The following CAMK4 variants were observed in gnomAD, a reference collection of about 807,000 sequenced individuals.
The protein encoded by CAMK4 is calcium/calmodulin-dependent protein kinase type IV.
CAMK4 carries 22 observed loss-of-function variants against 44.9 expected under a neutral mutation model. That is an observed-to-expected ratio of 0.49 (90% CI 0.35 to 0.70). The LOEUF (loss-of-function observed/expected upper bound fraction) is 0.70, where lower values mean the gene tolerates loss of function less well. Among genes scored for constraint, CAMK4 ranks in the 30% least tolerant of loss-of-function variants. CAMK4 has a pLI of 0.01. For missense variants in CAMK4, 498 were observed against 586.8 expected, an observed-to-expected ratio of 0.85 and a Z score of 1.56; for synonymous variants, 218 against 215.4, an observed-to-expected ratio of 1.01 and a Z score of -0.11.
intron 7 of CAMK4, among the ~76,000 whole-genome samples, chr5:111,468,892 C>T (rs1428632234): frequency 6.6e-6 from 1 of 151,758 alleles, no homozygotes; most frequent in South Asian, 2.1e-4. Context: ...GCAAGAGAAT[C>T]GCTTGAACCC....
In CAMK4 at chr5:111,490,751, T is replaced by C. The variant is rs1386062252; in HGVS notation, c.*6285T>C. 1.3e-5 allele frequency: 2 copies of C among 152,204 alleles called. No individual in the cohort carries two copies. Among genetic ancestry groups the C allele is most frequent in the Admixed American group, 1.3e-4 (2 of 15,274 alleles). The allele number at this position is 152,204 out of a possible 1,614,324, so 9.4% of individuals were successfully genotyped here. A position where few individuals can be genotyped will look rare whatever the true frequency, so the allele number is the denominator to read the frequency against. ...CATAATTTGTAATTTTGTTTTTCTT[T>C]TTACGGCACCCTTAAGTCTCAGTAA... On this transcript the variant is annotated 3_prime_UTR_variant, in exon 11 of 11. Coordinates refer to ENST00000282356, the MANE Select transcript of CAMK4 (RefSeq NM_001744.6).
intron 1 of CAMK4, among the ~76,000 whole-genome samples, chr5:111,256,708 A>G (rs1229307945): frequency 1.3e-5 from 2 of 152,228 alleles, no homozygotes; most frequent in African/African-American, 4.8e-5. Context: ...TACCAGAATA[A>G]TGTGGCAGCC....
At chr5:111,356,100 C>A (rs1296040433) in intron 2 of CAMK4, among the ~76,000 whole-genome samples, 1 of 132,650 alleles carries the variant, frequency 7.5e-6, no homozygotes, top group Non-Finnish European at 1.6e-5. Flanking sequence ...AATGGTTGAA[C>A]TAGTTTACAG....
At chr5:111,474,478 G>T (rs1755169036) in intron 8 of CAMK4, among the ~76,000 whole-genome samples, 1 of 152,136 alleles carries the variant, frequency 6.6e-6, no homozygotes, top group African/African-American at 2.4e-5. Flanking sequence ...CTAATCCCAT[G>T]AGGAAGACCC....
chr5:111,346,482 T>TTATCCATCTATCTATCTATC (rs1554063398), intron 2 of CAMK4, among the ~76,000 whole-genome samples: 1 of 149,918 alleles, frequency 6.7e-6, no homozygotes, highest in African/African-American at 2.5e-5. Context: ...GCTTGAAACT[T>TTATCCATCTATCTATCTATC]TATCTATCTA....
chr5:111,481,677 G>C (rs1338005768), intron 9 of CAMK4, among the ~76,000 whole-genome samples: 1 of 152,124 alleles, frequency 6.6e-6, no homozygotes, highest in East Asian at 1.9e-4. Flanking sequence ...ACATCATGCT[G>C]TAGTGGCCAC....
chr5:111,251,732 A>G (rs186664883), intron 1 of CAMK4, among the ~76,000 whole-genome samples: 1 of 152,258 alleles, frequency 6.6e-6, no homozygotes. Context: ...ATTGAAATAC[A>G]TGAGAATGTG....
intron 7 of CAMK4, among the ~76,000 whole-genome samples, chr5:111,452,562 CCTTAG>C (rs1349432736): frequency 6.6e-6 from 1 of 152,146 alleles, no homozygotes; most frequent in Non-Finnish European, 1.5e-5. Context: ...TCATGTCCTT[CCTTAG>C]CTTCTCAGCA....
chr5:111,279,465 C>T (rs954085182), intron 1 of CAMK4, among the ~76,000 whole-genome samples: 1 of 151,606 alleles, frequency 6.6e-6, no homozygotes, highest in African/African-American at 2.4e-5. Context: ...GATGTACCAA[C>T]CAAGCGCAGA....
Position 111,224,680 on chromosome 5 carries a change from G to T in CAMK4, c.161+36G>T. ...GGCTCCGGCTGGGGAAGCCCGCGGC[G>T]TGCACTGGGGGTTGTCCCTCTCGCA... is the stretch of plus-strand genomic sequence containing the variant. On this transcript the variant is annotated intron_variant, in intron 1 of 10. Transcript: ENST00000282356. This position sits in a 1 kb window ranked among gnomAD's most constrained non-coding sequence, Gnocchi z 5.7. 1 of 1,583,198 alleles carries T rather than the reference G, an allele frequency of 6.3e-7. No individual in the cohort carries two copies. Among genetic ancestry groups the T allele is most frequent in the Non-Finnish European group, 8.6e-7 (1 of 1,164,718 alleles).
intron 1 of CAMK4, among the ~76,000 whole-genome samples, chr5:111,238,244 C>T (rs1748822004): frequency 6.6e-6 from 1 of 152,182 alleles, no homozygotes; most frequent in African/African-American, 2.4e-5. Context: ...CAGTCATTTC[C>T]TTGTATCTGC....
intron 1 of CAMK4, among the ~76,000 whole-genome samples, chr5:111,294,905 CTG>C (rs1336553381): frequency 6.6e-6 from 1 of 152,104 alleles, no homozygotes; most frequent in African/African-American, 2.4e-5. Context: ...GTGCATGAAA[CTG>C]TTATGTTTTT....
chr5:111,467,039 A>G (rs1187866578), intron 7 of CAMK4, among the ~76,000 whole-genome samples: 1 of 152,120 alleles, frequency 6.6e-6, no homozygotes, highest in Non-Finnish European at 1.5e-5. Flanking sequence ...AAATTGAAAT[A>G]CTTGCAGTCA....
rs185768542 is a variant in CAMK4 at position 111,315,803 on chromosome 5, G to A, written c.162-28221G>A. Among the ~76,000 whole-genome samples the A allele has an allele frequency of 6.8e-3, 1,036 of 152,174 alleles. 10 individuals are homozygous for A. Among genetic ancestry groups the A allele is most frequent in the Non-Finnish European group, 0.011 (745 of 68,000 alleles). On this transcript the variant is annotated intron_variant, in intron 1 of 10. Coordinates refer to ENST00000282356, the MANE Select transcript of CAMK4 (RefSeq NM_001744.6). ...GCTCATTCTCAGTTTTTTAAAGTCT[G>A]CAGCCAGTGACAGCTTCTTCTGCTA...
chr5:111,282,967 A>C (rs538251754), intron 1 of CAMK4: 3 of 152,364 alleles, frequency 2.0e-5, no homozygotes, highest in African/African-American at 4.8e-5. Flanking sequence ...CCTTGTGATC[A>C]TGTGGCTGAC....
chr5:111,380,164 C>T (rs1200701198), intron 4 of CAMK4, among the ~76,000 whole-genome samples: 5 of 152,022 alleles, frequency 3.3e-5, no homozygotes, highest in Non-Finnish European at 7.4e-5. Flanking sequence ...TCAAAAATGA[C>T]TATATTTTAA....
intron 1 of CAMK4, among the ~76,000 whole-genome samples, chr5:111,262,701 G>T (rs549817861): frequency 6.6e-6 from 1 of 152,020 alleles, no homozygotes; most frequent in Admixed American, 6.5e-5. Flanking sequence ...CAATGAAATC[G>T]GTTATGCAAT....
intron 1 of CAMK4, among the ~76,000 whole-genome samples, chr5:111,226,170 C>T (rs1263181717): frequency 6.6e-6 from 1 of 152,114 alleles, no homozygotes; most frequent in African/African-American, 2.4e-5. Context: ...TAACATTAAC[C>T]CTAGATGCCT....
intron 2 of CAMK4, among the ~76,000 whole-genome samples, chr5:111,347,071 G>A (rs893707543): frequency 6.6e-6 from 1 of 151,994 alleles, no homozygotes; most frequent in Non-Finnish European, 1.5e-5. Flanking sequence ...AAAGGTGGGA[G>A]TATCTTAAAG....
Sources: gnomAD v4.1 joint callset for allele counts (sites outside exome capture counted in the v4.1 genomes callset) on GRCh38, gnomAD v4.1.1 for gene constraint, Gnocchi (gnomAD v3.1) non-coding constraint, MANE v1.5 for transcripts, NCBI Gene and HGNC (gene_info 2026-07-23, HGNC 2026-07-21) for gene names.